The following ZNF608 variants were observed in gnomAD, a reference collection of about 807,000 sequenced individuals.
ZNF608 encodes zinc finger protein 608, also known as renal carcinoma antigen NY-REN-36.
Under a neutral mutation model 109.0 loss-of-function variants are expected in ZNF608, and 12 were observed. That is an observed-to-expected ratio of 0.11 (90% CI 0.07 to 0.18). ZNF608 has a LOEUF of 0.18. Among genes scored for constraint, ZNF608 ranks in the 10% least tolerant of loss-of-function variants. ZNF608 has a pLI of 1.00. For missense variants in ZNF608, 1,707 were observed against 1,879.3 expected, an observed-to-expected ratio of 0.91 and a Z score of 1.70; for synonymous variants, 732 against 717.4, an observed-to-expected ratio of 1.02 and a Z score of -0.33.
rs765755040 is a variant in ZNF608 at position 124,744,785 on chromosome 5, C to T, written c.205G>A (p.Ala69Thr). The T allele has an allele frequency of 4.3e-6, 7 of 1,614,210 alleles. No homozygotes were observed. The East Asian group carries it at 1.6e-4, about 36-fold the overall frequency. Residue 69 changes from alanine (A) to threonine (T), a missense_variant, in exon 2 of 10, where the codon GCC becomes ACC. Ala to Thr is a moderately conservative substitution (Grantham distance 58). Coordinates refer to ENST00000513986, the MANE Select transcript of ZNF608 (RefSeq NM_020747.3). This position sits in a 1 kb window ranked among gnomAD's most constrained non-coding sequence, Gnocchi z 4.5. The part of the protein sequence containing the change: ...SSNSKDCGGP[A>T]SSGAGATAAL... ...GCGGTAGCACCAGCCCCACTGGAGG[C>T]CGGACCTCCACAATCCTTGGAGTTG...
chr5:124,685,083 A>G (rs1752347710), intron 3 of ZNF608, among the ~76,000 whole-genome samples: 1 of 151,770 alleles, frequency 6.6e-6, no homozygotes, highest in South Asian at 2.1e-4. Context: ...CTTAGTTGTC[A>G]TGAGGTATTA....
rs1750640680 is a variant in ZNF608 at position 124,648,513 on chromosome 5, G to A, written c.1871C>T (p.Ala624Val). The change falls in exon 5 of 10, where the codon GCA becomes GTA. Residue 624 changes from alanine to valine, a missense_variant. Ala to Val is a moderately conservative substitution (Grantham distance 64). Transcript: ENST00000513986. ...GTTTCCAGCACCAGGGGATGCCGGT[G>A]CCTTCAACTGGTCATAAGCAGATAC... ...TSVSAYDQLK[A>V]PASPGAGNPP... is the part of the protein sequence containing the mutation. 1.2e-6 allele frequency: 2 copies of A among 1,614,170 alleles called. No homozygotes were observed. The highest frequency in any genetic ancestry group is 2.2e-5 in the East Asian group (1 of 44,880).
At chr5:124,703,190 C>A (rs1753125233) in intron 2 of ZNF608, among the ~76,000 whole-genome samples, 1 of 151,736 alleles carries the variant, frequency 6.6e-6, no homozygotes, top group Non-Finnish European at 1.5e-5. Flanking sequence ...AAAAATAGAA[C>A]ATTATTCTGA....
At chr5:124,652,417 AAC>A (rs889859854) in intron 3 of ZNF608, among the ~76,000 whole-genome samples, 1 of 152,204 alleles carries the variant, frequency 6.6e-6, no homozygotes, top group Non-Finnish European at 1.5e-5. Flanking sequence ...GGAGATTTTG[AAC>A]AGTCTCCATC....
chr5:124,727,349 C>G (rs1748653244), intron 2 of ZNF608, among the ~76,000 whole-genome samples: 1 of 152,166 alleles, frequency 6.6e-6, no homozygotes, highest in African/African-American at 2.4e-5. Flanking sequence ...TGACTTCTGT[C>G]CTTGGGATTC....
In ZNF608 at chr5:124,701,242, G is replaced by A. The variant is rs770562267; in HGVS notation, c.934C>T (p.Pro312Ser). The A allele has an allele frequency of 1.2e-6, 2 of 1,614,148 alleles. No individual in the cohort carries two copies. The highest frequency in any genetic ancestry group is 2.2e-5 in the South Asian group (2 of 91,074). Residue 312 changes from proline (P) to serine (S), a missense_variant, in exon 3 of 10, where the codon CCA (proline) becomes TCA (serine). Pro to Ser is a moderately conservative substitution (Grantham distance 74). Transcript: ENST00000513986. ...KVDPLFTVPA[P>S]PPPISSSLTP... Reference sequence around the variant, plus strand: ...AGACTGCTGGAAATCGGCGGTGGTGGCGCTGGCACTGTAAACAGGGGGTCA... The same window carrying A: ...AGACTGCTGGAAATCGGCGGTGGTGACGCTGGCACTGTAAACAGGGGGTCA...
chr5:124,717,431 A>G (rs1345809937), intron 2 of ZNF608, among the ~76,000 whole-genome samples: 1 of 152,264 alleles, frequency 6.6e-6, no homozygotes, highest in Non-Finnish European at 1.5e-5. Context: ...AGATTGCGCC[A>G]CTGCACTCCA....
intron 3 of ZNF608, among the ~76,000 whole-genome samples, chr5:124,668,233 T>A (rs1751569780): frequency 2.1e-5 from 3 of 145,556 alleles, no homozygotes; most frequent in Middle Eastern, 3.6e-3. Flanking sequence ...ATATATATAT[T>A]TTATATATAT....
At chr5:124,699,168 C>T (rs1419314512) in intron 3 of ZNF608, among the ~76,000 whole-genome samples, 1 of 152,160 alleles carries the variant, frequency 6.6e-6, no homozygotes, top group East Asian at 1.9e-4. Flanking sequence ...TTATTAAGAT[C>T]TTCAATACTT....
chr5:124,691,096 C>T (rs767980327), intron 3 of ZNF608, among the ~76,000 whole-genome samples: 25 of 152,144 alleles, frequency 1.6e-4, no homozygotes, highest in Middle Eastern at 3.4e-3. Context: ...AACACCAACC[C>T]GCACAACATA....
intron 2 of ZNF608, among the ~76,000 whole-genome samples, chr5:124,725,199 A>G (rs1754091316): frequency 6.6e-6 from 1 of 152,046 alleles, no homozygotes; most frequent in African/African-American, 2.4e-5. Flanking sequence ...ACATAAACAA[A>G]TAAAATTCTT....
intron 3 of ZNF608, among the ~76,000 whole-genome samples, chr5:124,663,558 T>C (rs530802131): frequency 2.0e-5 from 3 of 152,294 alleles, no homozygotes; most frequent in Admixed American, 6.5e-5. Flanking sequence ...AAAAACCAAA[T>C]GGTTTGGTTT....
intron 3 of ZNF608, among the ~76,000 whole-genome samples, chr5:124,677,911 T>G (rs1752021462): frequency 6.6e-6 from 1 of 152,142 alleles, no homozygotes; most frequent in South Asian, 2.1e-4. Flanking sequence ...AGGAAGCAGC[T>G]CTCAGTCCTT....
intron 3 of ZNF608, 52 bp from the exon 4 acceptor site, chr5:124,649,749 A>AC: frequency 1.7e-6 from 2 of 1,167,164 alleles, no homozygotes; most frequent in Non-Finnish European, 2.4e-6. Flanking sequence ...GATTACTGTT[A>AC]TTTCCAGTTC....
At chr5:124,673,933 T>G (rs1225136226) in intron 3 of ZNF608, among the ~76,000 whole-genome samples, 2 of 150,712 alleles carry the variant, frequency 1.3e-5, no homozygotes, top group South Asian at 4.3e-4. Context: ...AAATATGAAA[T>G]TTTTTTTTAA....
intron 3 of ZNF608, among the ~76,000 whole-genome samples, chr5:124,676,721 G>A (rs1263760817): frequency 6.6e-6 from 1 of 152,144 alleles, no homozygotes; most frequent in African/African-American, 2.4e-5. Flanking sequence ...AATAATAATG[G>A]TATATTCAAA....
At chr5:124,684,235 G>A (rs1453302404) in intron 3 of ZNF608, among the ~76,000 whole-genome samples, 1 of 152,112 alleles carries the variant, frequency 6.6e-6, no homozygotes, top group Non-Finnish European at 1.5e-5. Context: ...CCACTCCTTT[G>A]CTACCTGATT....
intron 3 of ZNF608, among the ~76,000 whole-genome samples, chr5:124,676,943 C>G (rs1751971858): frequency 6.6e-6 from 1 of 151,970 alleles, no homozygotes; most frequent in Non-Finnish European, 1.5e-5. Context: ...AGGGCAACAA[C>G]CACAATAGGG....
At chr5:124,658,065 A>G (rs1751091351) in intron 3 of ZNF608, among the ~76,000 whole-genome samples, 1 of 152,100 alleles carries the variant, frequency 6.6e-6, no homozygotes, top group Admixed American at 6.5e-5. Context: ...CCGTTCCTCT[A>G]GTAGTTCCTG....
Sources: allele counts gnomAD v4.1 joint callset (sites outside exome capture counted in the v4.1 genomes callset), GRCh38; gene constraint gnomAD v4.1.1; non-coding constraint Gnocchi (gnomAD v3.1); transcripts MANE v1.5; gene names NCBI Gene and HGNC (gene_info 2026-07-23, HGNC 2026-07-21).